Variants in CNTNAP2 observed in about 807,000 individuals in gnomAD.
CNTNAP2 encodes the protein contactin associated protein 2.
In CNTNAP2, 98 loss-of-function variants were observed where a neutral mutation model predicts 155.2. The observed-to-expected ratio is 0.63, with a 90% CI of 0.54 to 0.75. CNTNAP2 has a LOEUF of 0.75. Ranked by LOEUF, CNTNAP2 falls within the 30% of genes least tolerant of loss-of-function variation. CNTNAP2 has a pLI of 0.00. For synonymous variants in CNTNAP2, 651 were observed against 631.2 expected, an observed-to-expected ratio of 1.03 and a Z score of -0.47; for missense variants, 1,727 against 1,688.1, an observed-to-expected ratio of 1.02 and a Z score of -0.40.
At chr7:147,630,402 G>C (rs1374907195) in intron 12 of CNTNAP2, among the ~76,000 whole-genome samples, 3 of 145,338 alleles carry the variant, frequency 2.1e-5, no homozygotes, top group African/African-American at 7.6e-5. Context: ...ATTCAAAGAA[G>C]AATCGACACC....
At chr7:147,733,371 T>C (rs1796778569) in intron 13 of CNTNAP2, among the ~76,000 whole-genome samples, 1 of 152,222 alleles carries the variant, frequency 6.6e-6, no homozygotes, top group Non-Finnish European at 1.5e-5. Context: ...TTTGTTCCCT[T>C]GGTCTATATC....
intron 13 of CNTNAP2, among the ~76,000 whole-genome samples, chr7:147,799,517 C>T (rs772944044): frequency 2.0e-5 from 3 of 151,726 alleles, no homozygotes; most frequent in Non-Finnish European, 4.4e-5. Context: ...GTTATGTCTA[C>T]AAAGCATTGT....
chr7:146,826,855 T>TAG (rs1453854243), intron 2 of CNTNAP2, among the ~76,000 whole-genome samples: 1,846 of 140,002 alleles, frequency 0.013, 15 homozygotes, highest in African/African-American at 0.036. Context: ...TATATATATA[T>TAG]ATAGAGAGAG....
At chr7:146,751,188 T>A (rs1311926309) in intron 1 of CNTNAP2, among the ~76,000 whole-genome samples, 2 of 152,204 alleles carry the variant, frequency 1.3e-5, no homozygotes, top group Non-Finnish European at 2.9e-5. Context: ...TTTGAACATT[T>A]ACAAATGCTC....
At chr7:148,044,267 G>C (rs1802732701) in intron 15 of CNTNAP2, among the ~76,000 whole-genome samples, 1 of 151,388 alleles carries the variant, frequency 6.6e-6, no homozygotes, top group East Asian at 1.9e-4. Context: ...CCGACCCAAG[G>C]GGGTTCCCGG....
intron 20 of CNTNAP2, among the ~76,000 whole-genome samples, chr7:148,255,923 T>G (rs1796446598): frequency 6.6e-6 from 1 of 152,194 alleles, no homozygotes; most frequent in Non-Finnish European, 1.5e-5. Context: ...TCCAGGAATC[T>G]GAGACGATCA....
intron 15 of CNTNAP2, among the ~76,000 whole-genome samples, chr7:148,049,304 A>T (rs1802839128): frequency 6.6e-6 from 1 of 152,234 alleles, no homozygotes; most frequent in African/African-American, 2.4e-5. Flanking sequence ...TTCAAACTTG[A>T]GTCATTTATG....
chr7:148,052,276 C>T (rs879871080), intron 15 of CNTNAP2, among the ~76,000 whole-genome samples: 1 of 148,692 alleles, frequency 6.7e-6, no homozygotes, highest in African/African-American at 2.5e-5. Flanking sequence ...AAAATATTTG[C>T]AATACATTGA....
chr7:146,116,921 G>T lies in CNTNAP2; in HGVS notation c.45G>T (p.Leu15=). ...CCGGCTGCGGGGCAGCGCTCCTGCT[G>T]TGGATTGTCAGCAGCTGCCTCTGCA... is the stretch of plus-strand genomic sequence containing the variant. ...PRAGCGAALL[L]WIVSSCLCRA... The change falls in exon 1 of 24, where the codon CTG becomes CTT. Residue 15 remains leucine (L), a synonymous_variant. Transcript: ENST00000361727. This position sits in a 1 kb window ranked among gnomAD's most constrained non-coding sequence, Gnocchi z 5.5. The T allele has an allele frequency of 6.4e-7, 1 of 1,552,612 alleles. No individual in the cohort carries two copies. Among genetic ancestry groups the T allele is most frequent in the Non-Finnish European group, 8.7e-7 (1 of 1,147,742 alleles).
chr7:147,979,957 G>T (rs1364740141), intron 15 of CNTNAP2, among the ~76,000 whole-genome samples: 1 of 152,120 alleles, frequency 6.6e-6, no homozygotes, highest in Non-Finnish European at 1.5e-5. Context: ...TTAAAAAAAA[G>T]ATTCTAGGAA....
At chr7:147,628,632 A>C (rs1166361808) in intron 12 of CNTNAP2, among the ~76,000 whole-genome samples, 2 of 152,316 alleles carry the variant, frequency 1.3e-5, no homozygotes, top group African/African-American at 4.8e-5. Flanking sequence ...TCTCACTGCT[A>C]ATGTTGAACG....
At chr7:147,329,140 C>T (rs899832868) in intron 9 of CNTNAP2, among the ~76,000 whole-genome samples, 1 of 151,402 alleles carries the variant, frequency 6.6e-6, no homozygotes, top group Admixed American at 6.6e-5. Context: ...GATTGAGCAC[C>T]CCCCCACACA....
chr7:146,335,746 G>A (rs1029099343), intron 1 of CNTNAP2, among the ~76,000 whole-genome samples: 1 of 151,942 alleles, frequency 6.6e-6, no homozygotes, highest in African/African-American at 2.4e-5. Context: ...TATACTTTTA[G>A]GTCACATGCA....
At chr7:146,642,449 A>G (rs1799728151) in intron 1 of CNTNAP2, among the ~76,000 whole-genome samples, 4 of 151,348 alleles carry the variant, frequency 2.6e-5, no homozygotes, top group Admixed American at 2.6e-4. Flanking sequence ...GAGAATGATG[A>G]TTTCCAATTT....
intron 12 of CNTNAP2, among the ~76,000 whole-genome samples, chr7:147,593,072 T>C (rs953312197): frequency 7.9e-5 from 12 of 152,162 alleles, no homozygotes; most frequent in African/African-American, 2.9e-4. Flanking sequence ...TATCTTTCTG[T>C]AACTCTTACA....
At chr7:146,369,911 C>T (rs998572501) in intron 1 of CNTNAP2, among the ~76,000 whole-genome samples, 16 of 152,006 alleles carry the variant, frequency 1.1e-4, no homozygotes, top group Non-Finnish European at 2.2e-4. Flanking sequence ...TTGTTAGTTC[C>T]TGGATTTGGG....
Position 148,401,242 on chromosome 7 carries a change from C to G in CNTNAP2, c.3716-8149C>G, listed in dbSNP as rs561694359. ...CATGAGAGAGTCCTGAATGAGGAGT[C>G]GAAAGACCTCGTCCTCGTAGCAGCG... On this transcript the variant is annotated intron_variant, in intron 22 of 23. Coordinates refer to ENST00000361727, the MANE Select transcript of CNTNAP2 (RefSeq NM_014141.6). Among the ~76,000 whole-genome samples, 6 of 152,240 alleles carry G rather than the reference C, an allele frequency of 3.9e-5. No individual in the cohort carries two copies. In the East Asian group the frequency reaches 1.2e-3, roughly 29 times the overall value.
At chr7:148,330,623 TGGAGTGGACGGAC>T (rs1797976593) in intron 21 of CNTNAP2, among the ~76,000 whole-genome samples, 1 of 144,148 alleles carries the variant, frequency 6.9e-6, no homozygotes, top group Admixed American at 6.9e-5. Flanking sequence ...AATGGACACA[TGGAGTGGACGGAC>T]GGAGTGGACG....
chr7:146,516,856 G>A (rs912145122), intron 1 of CNTNAP2, among the ~76,000 whole-genome samples: 1 of 151,834 alleles, frequency 6.6e-6, no homozygotes, highest in Non-Finnish European at 1.5e-5. Context: ...GCCCCAAAAC[G>A]AAACTCCTTC....
Sources: gnomAD v4.1 joint callset for allele counts (sites outside exome capture counted in the v4.1 genomes callset) on GRCh38, gnomAD v4.1.1 for gene constraint, Gnocchi (gnomAD v3.1) non-coding constraint, MANE v1.5 for transcripts, NCBI Gene and HGNC (gene_info 2026-07-23, HGNC 2026-07-21) for gene names.